SIL1: variants seen among roughly 807,000 people sequenced by gnomAD.
The protein encoded by SIL1 is SIL1 nucleotide exchange factor, also known as nucleotide exchange factor SIL1.
SIL1 carries 40 observed loss-of-function variants against 49.1 expected under a neutral mutation model. The observed-to-expected ratio is 0.81, with a 90% CI of 0.63 to 1.06. SIL1 has a LOEUF of 1.06. SIL1 is among the 50% of genes least tolerant of loss of function. SIL1 has a pLI of 0.00. For missense variants in SIL1, 500 were observed against 572.6 expected (o/e 0.87, Z 1.29); for synonymous variants, 253 against 250.8 (o/e 1.01, Z -0.08).
chr5:139,018,364 C>T (rs994296579), intron 7 of SIL1, among the ~76,000 whole-genome samples: 1 of 152,172 alleles, frequency 6.6e-6, no homozygotes, highest in South Asian at 2.1e-4. Context: ...GGGAAGCCAA[C>T]ATGGACAGAT....
chr5:139,184,623 C>T (rs553580112), intron 1 of SIL1, among the ~76,000 whole-genome samples: 1 of 152,192 alleles, frequency 6.6e-6, no homozygotes, highest in Non-Finnish European at 1.5e-5. Context: ...CAGTGAGCTA[C>T]GATCACACCA....
chr5:139,126,775 CCAGAGGTGAACCA>C (rs746399152), intron 2 of SIL1, among the ~76,000 whole-genome samples: 2 of 152,236 alleles, frequency 1.3e-5, no homozygotes, highest in African/African-American at 2.4e-5. Context: ...TTGCCATGAG[CCAGAGGTGAACCA>C]CAGCTAAGCT....
intron 4 of SIL1, among the ~76,000 whole-genome samples, chr5:139,049,292 C>G (rs1022488498): frequency 6.6e-6 from 1 of 152,200 alleles, no homozygotes; most frequent in Non-Finnish European, 1.5e-5. Flanking sequence ...TCTGCCTCAG[C>G]CTTCTGAGTA....
At chr5:139,102,577 C>T (rs564377043) in intron 3 of SIL1, among the ~76,000 whole-genome samples, 35 of 151,956 alleles carry the variant, frequency 2.3e-4, no homozygotes, top group Non-Finnish European at 4.0e-4. Flanking sequence ...AGGCATCTGA[C>T]TGCTGAAAGT....
At chr5:139,059,137 C>G (rs1769527025) in intron 3 of SIL1, among the ~76,000 whole-genome samples, 1 of 152,116 alleles carries the variant, frequency 6.6e-6, no homozygotes, top group Non-Finnish European at 1.5e-5. Flanking sequence ...GGCTGTGTCT[C>G]CACTTAAATC....
intron 7 of SIL1, among the ~76,000 whole-genome samples, chr5:138,968,772 AC>A (rs959555475): frequency 4.6e-5 from 7 of 152,190 alleles, no homozygotes; most frequent in African/African-American, 1.7e-4. Context: ...GCCTGCAGAC[AC>A]AAGGCTGGCT....
intron 1 of SIL1, among the ~76,000 whole-genome samples, chr5:139,172,589 C>T (rs112470775): frequency 0.024 from 3,551 of 150,150 alleles, 44 homozygotes; most frequent in Non-Finnish European, 0.03. Context: ...GGCAAGATCA[C>T]GCCACTGCAC....
intron 7 of SIL1, among the ~76,000 whole-genome samples, chr5:138,996,631 T>A (rs995012491): frequency 6.6e-6 from 1 of 151,274 alleles, no homozygotes; most frequent in African/African-American, 2.4e-5. Context: ...GCAATTCTTC[T>A]GTCTCAGCCT....
At chr5:139,106,270 C>T (rs750537769) in intron 3 of SIL1, among the ~76,000 whole-genome samples, 1 of 152,258 alleles carries the variant, frequency 6.6e-6, no homozygotes. Flanking sequence ...CAATCTTGAG[C>T]CAGCCACTTC....
intron 7 of SIL1, among the ~76,000 whole-genome samples, chr5:138,984,195 A>G (rs1328200794): frequency 6.6e-6 from 1 of 152,182 alleles, no homozygotes; most frequent in Non-Finnish European, 1.5e-5. Context: ...CAGGAGAAAC[A>G]GCACTCAAGG....
chr5:139,119,517 T>C (rs532840446), intron 3 of SIL1, among the ~76,000 whole-genome samples: 1 of 152,288 alleles, frequency 6.6e-6, no homozygotes, highest in African/African-American at 2.4e-5. Context: ...TCCTAGGACT[T>C]TGGCAGGCTG....
At chr5:139,151,541 G>T (rs1180727097) in intron 1 of SIL1, among the ~76,000 whole-genome samples, 2 of 152,184 alleles carry the variant, frequency 1.3e-5, no homozygotes, top group Non-Finnish European at 2.9e-5. Context: ...GGGCCTTGTG[G>T]TTTCTTTTCT....
chr5:139,027,107 T>C, intron 5 of SIL1, 115 bp from the exon 6 acceptor site: 2 of 925,518 alleles, frequency 2.2e-6, no homozygotes, highest in Non-Finnish European at 3.5e-6. Context: ...CTCACAGTCT[T>C]CTCTCATCTA....
intron 7 of SIL1, among the ~76,000 whole-genome samples, chr5:138,984,795 C>A (rs1294285665): frequency 6.6e-6 from 1 of 152,138 alleles, no homozygotes; most frequent in Non-Finnish European, 1.5e-5. Context: ...TCTTGAGGGC[C>A]CAAGCTAGGG....
intron 7 of SIL1, among the ~76,000 whole-genome samples, chr5:138,986,675 C>A (rs1767655741): frequency 6.6e-6 from 1 of 152,190 alleles, no homozygotes; most frequent in African/African-American, 2.4e-5. Context: ...TTCTAGGCTC[C>A]ATCTGTCTTG....
chr5:139,188,291 CAG>C (rs1752111448), intron 1 of SIL1, among the ~76,000 whole-genome samples: 1 of 152,104 alleles, frequency 6.6e-6, no homozygotes, highest in Admixed American at 6.5e-5. Flanking sequence ...TCACAGGAAA[CAG>C]GGGAAGCAAC....
rs896757999 is a variant in SIL1 at position 139,024,506 on chromosome 5, G to A, written c.645+2295C>T. ...CACAGATGCTGGCAAAATCCTAAAG[G>A]AAGAAAGCATGTCTTTTAGCCCAGT... On this transcript the variant is annotated intron_variant, in intron 6 of 9. Coordinates refer to ENST00000394817, the MANE Select transcript of SIL1 (RefSeq NM_022464.5). Among the ~76,000 whole-genome samples the A allele has an allele frequency of 2.0e-4, 31 of 152,194 alleles. 1 individual carries two copies. Among genetic ancestry groups the A allele is most frequent in the African/African-American group, 7.5e-4 (31 of 41,454 alleles).
At chr5:139,091,203 A>T (rs563285069) in intron 3 of SIL1, among the ~76,000 whole-genome samples, 1 of 152,286 alleles carries the variant, frequency 6.6e-6, no homozygotes, top group Non-Finnish European at 1.5e-5. Context: ...CAAAAATATT[A>T]ATTTGATTAT....
At chr5:139,066,571 T>G (rs1388842058) in intron 3 of SIL1, among the ~76,000 whole-genome samples, 1 of 152,214 alleles carries the variant, frequency 6.6e-6, no homozygotes, top group African/African-American at 2.4e-5. Flanking sequence ...CTAATGACAC[T>G]TCCTCTATTC....
Sources: allele counts gnomAD v4.1 joint callset (sites outside exome capture counted in the v4.1 genomes callset), GRCh38; gene constraint gnomAD v4.1.1; transcripts MANE v1.5; gene names NCBI Gene and HGNC (gene_info 2026-07-23, HGNC 2026-07-21).